The following ZFHX3 variants were observed in gnomAD, a reference collection of about 807,000 sequenced individuals.
The protein encoded by ZFHX3 is zinc finger homeobox protein 3.
Under a neutral mutation model 279.1 loss-of-function variants are expected in ZFHX3, and 42 were observed. The ratio of observed to expected loss-of-function variants is 0.15; its 90% CI spans 0.12 to 0.19. The LOEUF (loss-of-function observed/expected upper bound fraction) is 0.19, where lower values mean the gene tolerates loss of function less well. Ranked by LOEUF, ZFHX3 falls within the 10% of genes least tolerant of loss-of-function variation. ZFHX3 has a pLI of 1.00. For missense variants in ZFHX3, 4,981 were observed against 4,754.0 expected (o/e 1.05, Z -1.40); for synonymous variants, 2,293 against 1,957.8 (o/e 1.17, Z -4.52).
chr16:73,323,135 T>C (rs1372135013), intron 3 of ZFHX3, among the ~76,000 whole-genome samples: 3 of 152,040 alleles, frequency 2.0e-5, no homozygotes, highest in South Asian at 4.1e-4. Flanking sequence ...TCATCATGGC[T>C]GGGGGTGGGG....
intron 1 of ZFHX3, among the ~76,000 whole-genome samples, chr16:73,758,610 G>C (rs563850011): frequency 2.0e-5 from 3 of 152,280 alleles, no homozygotes; most frequent in East Asian, 1.9e-4. Context: ...GCTTTGCTAA[G>C]AGCTAGGGGA....
intron 2 of ZFHX3, among the ~76,000 whole-genome samples, chr16:73,666,087 G>T (rs923269777): frequency 6.6e-6 from 1 of 151,502 alleles, no homozygotes. Context: ...AAGTGCTGGG[G>T]TTACAGGCGT....
chr16:73,156,006 G>A (rs1287158561), intron 5 of ZFHX3, among the ~76,000 whole-genome samples: 1 of 152,050 alleles, frequency 6.6e-6, no homozygotes, highest in African/African-American at 2.4e-5. Flanking sequence ...GCCGAGATGG[G>A]CGGATCACAA....
chr16:73,116,656 T>G (rs1267609595), intron 7 of ZFHX3, among the ~76,000 whole-genome samples: 2 of 152,170 alleles, frequency 1.3e-5, no homozygotes, highest in African/African-American at 4.8e-5. Flanking sequence ...TGAAGCACTT[T>G]GGGAGGCAGG....
chr16:73,330,229 T>G (rs1000852874), intron 3 of ZFHX3, among the ~76,000 whole-genome samples: 2 of 152,010 alleles, frequency 1.3e-5, no homozygotes, highest in African/African-American at 4.8e-5. Flanking sequence ...GTGGCCCAGG[T>G]AGTAGCTAAT....
intron 5 of ZFHX3, chr16:72,822,010 C>T (rs1219692390): frequency 6.6e-6 from 1 of 152,160 alleles, no homozygotes; most frequent in Non-Finnish European, 1.5e-5. Flanking sequence ...GTTTTTAAGA[C>T]AAGCAAAGAC....
chr16:72,950,036 A>C (rs1960903863), intron 3 of ZFHX3, among the ~76,000 whole-genome samples: 1 of 148,788 alleles, frequency 6.7e-6, no homozygotes, highest in Non-Finnish European at 1.5e-5. Context: ...TGAAAGAAGG[A>C]AGGGAGGAAC....
At chr16:73,416,744 G>T (rs925935301) in intron 3 of ZFHX3, among the ~76,000 whole-genome samples, 1 of 147,948 alleles carries the variant, frequency 6.8e-6, no homozygotes, top group Non-Finnish European at 1.5e-5. Flanking sequence ...TGCGGTGGCG[G>T]GCGCCTGTAG....
intron 4 of ZFHX3, among the ~76,000 whole-genome samples, chr16:73,263,262 C>T (rs1176278446): frequency 6.6e-6 from 1 of 152,012 alleles, no homozygotes; most frequent in Non-Finnish European, 1.5e-5. Context: ...GTCACTACAG[C>T]CTCAACCTCT....
Position 72,874,405 on chromosome 16 carries a change from A to T in ZFHX3, c.3448+15326T>A, listed in dbSNP as rs371698465. Among the ~76,000 whole-genome samples, 422 of 151,756 alleles carry T rather than the reference A, an allele frequency of 2.8e-3. 2 individuals are homozygous for T. The highest frequency in any genetic ancestry group is 4.6e-3 in the Non-Finnish European group (315 of 67,930). On this transcript the variant is annotated intron_variant, in intron 4 of 9. Transcript: ENST00000268489. ...GTATTTTTAGTGGAGACGGGGTTTCACGGTGTTAGTCAGGATGCGATCTCC... is the reference window on the plus strand; with the variant it reads ...GTATTTTTAGTGGAGACGGGGTTTCTCGGTGTTAGTCAGGATGCGATCTCC...
chr16:73,689,763 G>A (rs1387326337), intron 1 of ZFHX3, among the ~76,000 whole-genome samples: 3 of 152,090 alleles, frequency 2.0e-5, no homozygotes, highest in African/African-American at 4.8e-5. Context: ...ACGACTATCA[G>A]GTTTCATTAG....
In ZFHX3 at chr16:73,354,964, C is replaced by G. The variant is rs115281871; in HGVS notation, c.-1290-36628G>C. ...AAGAGGATTGATTGGCCTTTGATCA[C>G]CAGAAAGCTCTGCAGTGCTATTAGT... On this transcript the variant is annotated intron_variant, in intron 3 of 17. Coordinates refer to the ZFHX3 transcript ENST00000641206. Among the ~76,000 whole-genome samples the G allele has an allele frequency of 8.6e-3, 1,307 of 152,276 alleles. 23 individuals are homozygous for G. Among genetic ancestry groups the G allele is most frequent in the African/African-American group, 0.03 (1,226 of 41,544 alleles).
intron 1 of ZFHX3, among the ~76,000 whole-genome samples, chr16:73,759,531 C>A (rs1404358695): frequency 6.6e-6 from 1 of 152,036 alleles, no homozygotes; most frequent in South Asian, 2.1e-4. Flanking sequence ...ATCCCTGAAA[C>A]CTGGCTTTAG....
At chr16:73,832,160 A>G (rs1317835192) in intron 1 of ZFHX3, among the ~76,000 whole-genome samples, 1 of 151,290 alleles carries the variant, frequency 6.6e-6, no homozygotes, top group African/African-American at 2.4e-5. Flanking sequence ...CAGCCTCCCA[A>G]AGTGCTGGGA....
chr16:73,547,404 C>T (rs911558333), intron 2 of ZFHX3, among the ~76,000 whole-genome samples: 6 of 152,208 alleles, frequency 3.9e-5, no homozygotes, highest in Non-Finnish European at 8.8e-5. Flanking sequence ...GTTCAAAGTT[C>T]AGAATTTCTT....
intron 2 of ZFHX3, among the ~76,000 whole-genome samples, chr16:73,632,430 C>T (rs972170475): frequency 2.6e-5 from 4 of 152,114 alleles, no homozygotes; most frequent in Admixed American, 2.6e-4. Flanking sequence ...CGCCTGTAAT[C>T]CCAGCACTTT....
chr16:73,237,671 C>T (rs1043072360), intron 5 of ZFHX3, among the ~76,000 whole-genome samples: 15 of 152,032 alleles, frequency 9.9e-5, no homozygotes, highest in South Asian at 4.2e-4. Context: ...TATGCCCACC[C>T]GCTTCCTTGA....
chr16:73,515,542 G>C (rs927461428), intron 2 of ZFHX3, among the ~76,000 whole-genome samples: 28 of 146,910 alleles, frequency 1.9e-4, no homozygotes, highest in African/African-American at 7.0e-4. Flanking sequence ...GAGAGAGAGA[G>C]GAAGAGAGGG....
At chr16:73,173,003 T>TG (rs1330275209) in intron 5 of ZFHX3, among the ~76,000 whole-genome samples, 2 of 58,216 alleles carry the variant, frequency 3.4e-5, no homozygotes, top group East Asian at 9.5e-4. Context: ...TTTGTTTTTT[T>TG]TTTTGTTTTT....
Sources: gnomAD v4.1 joint callset for allele counts (sites outside exome capture counted in the v4.1 genomes callset) on GRCh38, gnomAD v4.1.1 for gene constraint, MANE v1.5 for transcripts, NCBI Gene and HGNC (gene_info 2026-07-23, HGNC 2026-07-21) for gene names.